Variants in ZAN observed in about 807,000 individuals in gnomAD.
ZAN encodes the protein zonadhesin.
A neutral mutation model predicts 286.2 loss-of-function variants in ZAN; 260 were observed. That is an observed-to-expected ratio of 0.91 (90% CI 0.82 to 1.01). The LOEUF (loss-of-function observed/expected upper bound fraction) is 1.01. Among genes scored for constraint, ZAN ranks in the 50% least tolerant of loss-of-function variants. The probability of loss-of-function intolerance (pLI) is 0.00; values close to 1 mark genes in which losing one functional copy is unlikely to be tolerated. For synonymous variants in ZAN, 1,368 were observed against 1,417.5 expected (o/e 0.97, Z 0.79); for missense variants, 3,410 against 3,639.2 (o/e 0.94, Z 1.62).
intron 25 of ZAN, 76 bp from the exon 26 acceptor site, chr7:100,767,755 G>A: frequency 6.7e-7 from 1 of 1,501,754 alleles, no homozygotes. Context: ...TGGGTTTGCA[G>A]GCATGAGCCC....
chr7:100,741,100 A>G (rs1252495354), intron 7 of ZAN, among the ~76,000 whole-genome samples: 3 of 50,246 alleles, frequency 6.0e-5, no homozygotes, highest in Non-Finnish European at 9.6e-5. Flanking sequence ...CTGGCCGGGC[A>G]GGGGGGCTGA....
rs111812152 is a variant in ZAN at position 100,746,060 on chromosome 7, C to CA, written c.767-469dup. Among the ~76,000 whole-genome samples, 1,477 of 149,820 alleles carry CA rather than the reference C, an allele frequency of 9.9e-3. 23 individuals carry two copies. The highest frequency in any genetic ancestry group is 0.03 in the African/African-American group (1,233 of 40,796). On this transcript the variant is annotated intron_variant, in intron 7 of 47. Transcript: ENST00000613979. Reference sequence around the variant, plus strand: ...GCAATGTGGTGAAACCCTATCTTTTCAAAAAAAAATGCAAAAATTAGCAGG... The same window carrying CA: ...GCAATGTGGTGAAACCCTATCTTTTCAAAAAAAAAATGCAAAAATTAGCAGG...
Position 100,752,515 on chromosome 7 carries a change from C to G in ZAN, c.2410C>G (p.Pro804Ala). The G allele has an allele frequency of 6.2e-7, 1 of 1,610,652 alleles. No homozygotes were observed. The highest frequency in any genetic ancestry group is 8.5e-7 in the Non-Finnish European group (1 of 1,179,372). ...CATCTCCACAGAAGAGCCCACCACC[C>G]CCACTGAGGAGACCACCATCTCCAC... The part of the protein sequence containing the change: ...PTISTEEPTT[P>A]TEETTISTEK... Residue 804 changes from proline (P) to alanine (A), a missense_variant, in exon 14 of 48, where the codon CCC (proline) becomes GCC (alanine). Physicochemically the swap from Pro to Ala is conservative, Grantham distance 27. Coordinates refer to ENST00000613979, the MANE Select transcript of ZAN (RefSeq NM_003386.3).
intron 15 of ZAN, 95 bp downstream of exon 15, chr7:100,755,505 G>A: frequency 7.1e-7 from 1 of 1,412,156 alleles, no homozygotes; most frequent in South Asian, 1.3e-5. Context: ...AGGCAACAGG[G>A]ATCACCGGAT....
intron 14 of ZAN, among the ~76,000 whole-genome samples, chr7:100,754,106 GTGTAA>G (rs1808981097): frequency 6.6e-6 from 1 of 152,044 alleles, no homozygotes; most frequent in African/African-American, 2.4e-5. Flanking sequence ...CTTTCACTGA[GTGTAA>G]TGTTTTCCGG....
intron 28 of ZAN, among the ~76,000 whole-genome samples, chr7:100,770,639 C>T (rs899328673): frequency 1.3e-5 from 2 of 151,718 alleles, no homozygotes; most frequent in South Asian, 2.1e-4. Flanking sequence ...TAAGCCACCA[C>T]GCCTGGCCGT....
intron 19 of ZAN, 80 bp from the exon 20 acceptor site, chr7:100,762,134 TC>T (rs1809626109): frequency 1.3e-6 from 2 of 1,574,208 alleles, no homozygotes; most frequent in African/African-American, 2.7e-5. Flanking sequence ...GGATCCCAGC[TC>T]CTTGCCTTCT....
intron 45 of ZAN, among the ~76,000 whole-genome samples, chr7:100,796,053 C>G (rs1812341988): frequency 6.6e-6 from 1 of 152,076 alleles, no homozygotes; most frequent in Non-Finnish European, 1.5e-5. Context: ...GCGCTCCAGC[C>G]TGGGCGACCA....
chr7:100,749,576 C>G (rs1220808200), intron 11 of ZAN, among the ~76,000 whole-genome samples: 6 of 147,078 alleles, frequency 4.1e-5, no homozygotes, highest in Non-Finnish European at 6.0e-5. Flanking sequence ...GGAGGCAGAG[C>G]TTGCAGTGAG....
At chr7:100,790,560 T>TC (rs1210053515) in intron 39 of ZAN, among the ~76,000 whole-genome samples, 8 of 81,348 alleles carry the variant, frequency 9.8e-5, no homozygotes, top group African/African-American at 3.5e-4. Flanking sequence ...AGACTCCATC[T>TC]CAAAAAAAAA....
intron 15 of ZAN, 107 bp downstream of exon 15, chr7:100,755,517 G>A: frequency 7.8e-7 from 1 of 1,273,948 alleles, no homozygotes; most frequent in South Asian, 1.4e-5. Context: ...TCACCGGATA[G>A]TCCCAAGGGG....
At chr7:100,743,579 A>C (rs1807965901) in intron 7 of ZAN, among the ~76,000 whole-genome samples, 1 of 151,942 alleles carries the variant, frequency 6.6e-6, no homozygotes, top group Non-Finnish European at 1.5e-5. Flanking sequence ...ATTTAAAAAA[A>C]TGTTTTTAAA....
At chr7:100,780,062 A>G (rs962997635) in intron 35 of ZAN, among the ~76,000 whole-genome samples, 3 of 151,938 alleles carry the variant, frequency 2.0e-5, no homozygotes, top group African/African-American at 4.8e-5. Context: ...GTGTGGTGGC[A>G]CATGCCTGTA....
chr7:100,772,077 T>G, intron 29 of ZAN, 57 bp downstream of exon 29: 27 of 1,368,694 alleles, frequency 2.0e-5, no homozygotes, highest in South Asian at 2.8e-5. Context: ...AATTCTGCCC[T>G]CCCTTTCTTC....
intron 11 of ZAN, among the ~76,000 whole-genome samples, chr7:100,749,617 GT>G (rs1197643841): frequency 7.1e-6 from 1 of 141,644 alleles, no homozygotes; most frequent in Non-Finnish European, 1.5e-5. Flanking sequence ...TCCAGCCTGG[GT>G]GACAGAGTGA....
At chr7:100,792,504 G>A (rs377332360) in intron 42 of ZAN, 25 bp downstream of exon 42, 113 of 1,613,326 alleles carry the variant, frequency 7.0e-5, no homozygotes, top group South Asian at 8.8e-5. Context: ...GCCAGGAGGC[G>A]GGCGCTGCCC....
intron 34 of ZAN, 93 bp downstream of exon 34, chr7:100,776,657 TCCC>T (rs1346627342): frequency 5.6e-6 from 4 of 714,608 alleles, no homozygotes; most frequent in Non-Finnish European, 5.4e-6. Flanking sequence ...TCCCCTCCCC[TCCC>T]CTCCCCTTCC....
chr7:100,759,633 C>CA, intron 17 of ZAN, 88 bp from the exon 18 acceptor site: 3 of 1,415,196 alleles, frequency 2.1e-6, no homozygotes, highest in Non-Finnish European at 2.8e-6. Flanking sequence ...GCGCTCATCT[C>CA]TCCCTGCGGC....
In ZAN at chr7:100,792,495, C is replaced by A. The variant is rs959333551; in HGVS notation, c.7787+16C>A. ...TCCTCAGTGGGTACGCCATCCTCTG[C>A]CAGGAGGCGGGCGCTGCCCTGGCTG... On this transcript the variant is annotated intron_variant, in intron 42 of 47. Transcript: ENST00000613979. The A allele has an allele frequency of 3.7e-6, 6 of 1,613,626 alleles. No individual in the cohort carries two copies. The highest frequency in any genetic ancestry group is 1.3e-5 in the African/African-American group (1 of 74,942).
Sources: gnomAD v4.1 joint callset for allele counts (sites outside exome capture counted in the v4.1 genomes callset) on GRCh38, gnomAD v4.1.1 for gene constraint, MANE v1.5 for transcripts, NCBI Gene and HGNC (gene_info 2026-07-23, HGNC 2026-07-21) for gene names.